The following BCL11B variants were observed in gnomAD, a reference collection of about 807,000 sequenced individuals.
BCL11B encodes the protein BCL11 transcription factor B, also known as B-cell lymphoma/leukemia 11B.
BCL11B carries 8 observed loss-of-function variants against 49.9 expected under a neutral mutation model. The observed-to-expected ratio is 0.16, with a 90% CI of 0.09 to 0.29. The LOEUF is 0.29. Ranked by LOEUF, BCL11B falls within the 10% of genes least tolerant of loss-of-function variation. The pLI is 1.00. For missense variants in BCL11B, 1,006 were observed against 1,351.0 expected (o/e 0.74, Z 4.00); for synonymous variants, 739 against 637.4 (o/e 1.16, Z -2.40).
At chr14:99,196,093 G>T (rs570100678) in intron 3 of BCL11B, among the ~76,000 whole-genome samples, 1 of 152,298 alleles carries the variant, frequency 6.6e-6, no homozygotes, top group East Asian at 1.9e-4. Flanking sequence ...GAGGGCAGCT[G>T]GGTGGTGGGG....
intron 3 of BCL11B, among the ~76,000 whole-genome samples, chr14:99,199,861 C>T (rs1266730201): frequency 1.3e-5 from 2 of 152,104 alleles, no homozygotes; most frequent in African/African-American, 4.8e-5. Flanking sequence ...AGAACTTCCT[C>T]ATTATTTAAA....
At chr14:99,253,986 C>A (rs1889084218) in intron 2 of BCL11B, among the ~76,000 whole-genome samples, 1 of 152,250 alleles carries the variant, frequency 6.6e-6, no homozygotes, top group Non-Finnish European at 1.5e-5. Context: ...CAAGGACCTC[C>A]TCCGTCCACA....
chr14:99,175,867 G>T lies in BCL11B; in HGVS notation c.969C>A (p.His323Gln). ...CACTGAGGCGGTGCGGGTCCAGGTG[G>T]TGGCGCGGCGGGGGACTGAAGAGAG... Reference protein sequence around the residue: ...TPPLFSPPPRHHLDPHRLSAE... With the variant: ...TPPLFSPPPRQHLDPHRLSAE... The change falls in exon 4 of 4, where the codon CAC becomes CAA. Residue 323 changes from histidine to glutamine, a missense_variant. Physicochemically the swap from His to Gln is conservative, Grantham distance 24. This residue lies in a region of BCL11B where 411 missense variants were observed against 542.2 expected (regional missense o/e 0.76). Coordinates refer to ENST00000357195, the MANE Select transcript of BCL11B (RefSeq NM_138576.4). The T allele has an allele frequency of 2.7e-6, 4 of 1,473,880 alleles. No homozygotes were observed. The highest frequency in any genetic ancestry group is 3.6e-6 in the Non-Finnish European group (4 of 1,117,614). The allele number at this position is 1,473,880 out of a possible 1,614,324, so 91.3% of individuals were successfully genotyped here.
chr14:99,187,870 AT>A (rs1275874469), intron 3 of BCL11B, among the ~76,000 whole-genome samples: 1 of 151,992 alleles, frequency 6.6e-6, no homozygotes, highest in Non-Finnish European at 1.5e-5. Flanking sequence ...CTTTCTTTAA[AT>A]CCACAAAAAA....
chr14:99,221,636 A>G (rs569338108), intron 3 of BCL11B, among the ~76,000 whole-genome samples: 6 of 152,246 alleles, frequency 3.9e-5, no homozygotes, highest in Non-Finnish European at 5.9e-5. Flanking sequence ...CGTGGGCCCC[A>G]GGCTCGAGGA....
intron 3 of BCL11B, among the ~76,000 whole-genome samples, chr14:99,218,554 A>G (rs1704014992): frequency 6.6e-6 from 1 of 152,194 alleles, no homozygotes; most frequent in Non-Finnish European, 1.5e-5. Flanking sequence ...GAAAAAAAGG[A>G]ACATGTGTCC....
chr14:99,188,285 T>G (rs1020836843), intron 3 of BCL11B, among the ~76,000 whole-genome samples: 1 of 152,180 alleles, frequency 6.6e-6, no homozygotes, highest in African/African-American at 2.4e-5. Context: ...GGTAAAAAAC[T>G]GGACCTTATG....
chr14:99,198,122 C>T (rs1887231764), intron 3 of BCL11B, among the ~76,000 whole-genome samples: 1 of 152,184 alleles, frequency 6.6e-6, no homozygotes, highest in Non-Finnish European at 1.5e-5. Context: ...ATGCAGGGTG[C>T]CCAGCTAGAA....
intron 3 of BCL11B, among the ~76,000 whole-genome samples, chr14:99,179,895 A>T (rs1019509811): frequency 6.6e-6 from 1 of 152,192 alleles, no homozygotes; most frequent in Non-Finnish European, 1.5e-5. Flanking sequence ...GCTCACTTTC[A>T]GAAATGGAAC....
At position 99,171,383 on chromosome 14, in the gene BCL11B, TAA is replaced by T; in HGVS notation, c.*2766_*2767del. ...TTTGCAATATTTTATCCTGCCAAAT[TAA>T]AAAAATATATTATGGCAGCCTGTTT... is the stretch of plus-strand genomic sequence containing the variant. On this transcript the variant is annotated 3_prime_UTR_variant, in exon 4 of 4. Coordinates refer to ENST00000357195, the MANE Select transcript of BCL11B (RefSeq NM_138576.4). 4.6e-6 allele frequency: 1 copy of T among 218,540 alleles called. No homozygotes were observed. The highest frequency in any genetic ancestry group is 9.2e-6 in the Non-Finnish European group (1 of 108,832). 13.5% of individuals were successfully genotyped at this position (218,540 alleles called of 1,614,324 possible). A position where few individuals can be genotyped will look rare whatever the true frequency, so the allele number is the denominator to read the frequency against.
In BCL11B at chr14:99,174,510, T is replaced by C; in HGVS notation, c.2326A>G (p.Thr776Ala). The C allele has an allele frequency of 1.3e-6, 2 of 1,537,890 alleles. No individual in the cohort carries two copies. The highest frequency in any genetic ancestry group is 1.7e-6 in the Non-Finnish European group (2 of 1,144,140). Residue 776 changes from threonine to alanine, a missense_variant, in exon 4 of 4, where the codon ACC (threonine) becomes GCC (alanine). Coordinates refer to ENST00000357195, the MANE Select transcript of BCL11B (RefSeq NM_138576.4). ...GGGCCCGGGCCGCCCAGGTGCGGGG[T>C]GCTGCCTCCGCTGGCCGTGCCGCTG... ...GRSGTASGGS[T>A]PHLGGPGPGR...
At chr14:99,203,175 C>G (rs1268571200) in intron 3 of BCL11B, among the ~76,000 whole-genome samples, 1 of 152,160 alleles carries the variant, frequency 6.6e-6, no homozygotes, top group Non-Finnish European at 1.5e-5. Context: ...CATGTGTTCC[C>G]GTTCTCGTTC....
At chr14:99,270,126 G>A (rs1889619042) in intron 1 of BCL11B, among the ~76,000 whole-genome samples, 2 of 151,882 alleles carry the variant, frequency 1.3e-5, no homozygotes, top group South Asian at 4.2e-4. Flanking sequence ...CAACAGGGAC[G>A]GTGGAAGCTG....
chr14:99,241,752 T>C lies in BCL11B; in HGVS notation c.428-10195A>G, dbSNP rs753696927. ...CTAATTTCTTTGAAAAAAACATCAGTGTCACTAAAAAAAACGTCACTCTGT... is the reference window on the plus strand; with the variant it reads ...CTAATTTCTTTGAAAAAAACATCAGCGTCACTAAAAAAAACGTCACTCTGT... On this transcript the variant is annotated intron_variant, in intron 2 of 3. Coordinates refer to ENST00000357195, the MANE Select transcript of BCL11B (RefSeq NM_138576.4). The surrounding 1 kb of genome is among the most constrained non-coding windows in gnomAD (Gnocchi z 4.4). Among the ~76,000 whole-genome samples the C allele has an allele frequency of 4.9e-4, 75 of 152,172 alleles. No individual in the cohort carries two copies. Among genetic ancestry groups the C allele is most frequent in the Middle Eastern group, 6.8e-3 (2 of 294 alleles).
At chr14:99,180,177 C>T (rs1047386886) in intron 3 of BCL11B, among the ~76,000 whole-genome samples, 2 of 152,158 alleles carry the variant, frequency 1.3e-5, no homozygotes, top group African/African-American at 4.8e-5. Flanking sequence ...CAACTTTATG[C>T]TAGCGGCCCA....
intron 2 of BCL11B, among the ~76,000 whole-genome samples, chr14:99,249,684 C>T (rs1888945965): frequency 6.6e-6 from 1 of 152,220 alleles, no homozygotes; most frequent in South Asian, 2.1e-4. Flanking sequence ...GGGTAAATAA[C>T]TTAACATCTC....
chr14:99,261,736 G>A (rs1000397950), intron 1 of BCL11B, among the ~76,000 whole-genome samples: 1 of 152,336 alleles, frequency 6.6e-6, no homozygotes, highest in Admixed American at 6.5e-5. Flanking sequence ...GCCGAATAAA[G>A]TAGAGCAATT....
rs984247487 is a variant in BCL11B at position 99,194,633 on chromosome 14, C to T, written c.641-18438G>A. Among the ~76,000 whole-genome samples, 1 of 152,210 alleles carries T rather than the reference C, an allele frequency of 6.6e-6. No homozygotes were observed. The highest frequency in any genetic ancestry group is 2.1e-4 in the South Asian group (1 of 4,834). ...GTGAAAGGCCTTGTCTGCAAAATGG[C>T]CCCCAGAGGAAGCTAATATTTTCCC... On this transcript the variant is annotated intron_variant, in intron 3 of 3. Transcript: ENST00000357195. The surrounding 1 kb of genome is among the most constrained non-coding windows in gnomAD (Gnocchi z 4.6).
rs1056312472 is a variant in BCL11B at position 99,231,659 on chromosome 14, C to T, written c.428-102G>A. 1 of 1,290,774 alleles carries T rather than the reference C, an allele frequency of 7.7e-7. No homozygotes were observed. The highest frequency in any genetic ancestry group is 1.1e-6 in the Non-Finnish European group (1 of 934,112). 80.0% of individuals were successfully genotyped at this position (1,290,774 alleles called of 1,614,324 possible). On this transcript the variant is annotated intron_variant, in intron 2 of 3. Coordinates refer to ENST00000357195, the MANE Select transcript of BCL11B (RefSeq NM_138576.4). The surrounding 1 kb of genome is among the most constrained non-coding windows in gnomAD (Gnocchi z 8.1). Reference sequence around the variant, plus strand: ...GGGGCGTGGGGCTCTGCTCAGGCCACCCTTCGGGGGTGGGAGGCCCCCGGG... The same window carrying T: ...GGGGCGTGGGGCTCTGCTCAGGCCATCCTTCGGGGGTGGGAGGCCCCCGGG...
Sources: gnomAD v4.1 joint callset for allele counts (sites outside exome capture counted in the v4.1 genomes callset) on GRCh38, gnomAD v4.1.1 for gene constraint, gnomAD v4.1.1 regional missense constraint, Gnocchi (gnomAD v3.1) non-coding constraint, MANE v1.5 for transcripts, NCBI Gene and HGNC (gene_info 2026-07-23, HGNC 2026-07-21) for gene names.